SRFBP1: variants seen among roughly 807,000 people sequenced by gnomAD.
SRFBP1 encodes serum response factor-binding protein 1.
A neutral mutation model predicts 45.5 loss-of-function variants in SRFBP1; 47 were observed. The ratio of observed to expected loss-of-function variants is 1.03; its 90% CI spans 0.82 to 1.32. The LOEUF is 1.32. SRFBP1 is among the 40% of genes most tolerant of loss of function. The probability of loss-of-function intolerance (pLI) is 0.00; values close to 1 mark genes in which losing one functional copy is unlikely to be tolerated. For missense variants in SRFBP1, 621 were observed against 484.6 expected (o/e 1.28, Z -2.64); for synonymous variants, 203 against 166.3 (o/e 1.22, Z -1.70).
chr5:122,042,338 C>T (rs1451759875), intron 2 of SRFBP1, among the ~76,000 whole-genome samples: 1 of 152,152 alleles, frequency 6.6e-6, no homozygotes, highest in Non-Finnish European at 1.5e-5. Flanking sequence ...ACGATCATGG[C>T]TCACTGCAGC....
At chr5:121,972,090 C>T (rs1233301541) in intron 1 of SRFBP1, among the ~76,000 whole-genome samples, 1 of 151,824 alleles carries the variant, frequency 6.6e-6, no homozygotes, top group Admixed American at 6.6e-5. Flanking sequence ...ATGACTCAAT[C>T]ATGTTTAAAA....
intron 2 of SRFBP1, chr5:122,070,222 G>A: frequency 2.0e-6 from 2 of 1,023,056 alleles, no homozygotes; most frequent in East Asian, 2.4e-5. Context: ...GCTACAATAA[G>A]GAAATTGTTA....
At position 122,027,573 on chromosome 5, in the gene SRFBP1, A is replaced by G. The variant is rs1753510415; in HGVS notation, c.*447A>G. ...TTTTCTCTTTAGTGCTTATCATGAAATGTGCTTCACTGGTTCAGCTCTGTT... is the reference window on the plus strand; with the variant it reads ...TTTTCTCTTTAGTGCTTATCATGAAGTGTGCTTCACTGGTTCAGCTCTGTT... On this transcript the variant is annotated 3_prime_UTR_variant, in exon 8 of 8. Coordinates refer to ENST00000339397, the MANE Select transcript of SRFBP1 (RefSeq NM_152546.3). 6.6e-6 allele frequency: 1 copy of G among 152,282 alleles called. No homozygotes were observed. Among genetic ancestry groups the G allele is most frequent in the Non-Finnish European group, 1.5e-5 (1 of 68,108 alleles). The allele number at this position is 152,282 out of a possible 1,614,324, so 9.4% of individuals were successfully genotyped here.
chr5:122,077,781 G>GCTGAGGCTGGTACTGTGA, downstream of SRFBP1: 1 of 1,548,936 alleles, frequency 6.5e-7, no homozygotes, highest in Non-Finnish European at 8.7e-7. The surrounding 1 kb of genome is among the most constrained non-coding windows in gnomAD (Gnocchi z 4.9). Context: ...GGGTCCCGGC[G>GCTGAGGCTGGTACTGTGA]GCGCTGAGGC....
intron 7 of SRFBP1, 83 bp from the exon 8 acceptor site, chr5:122,026,859 A>T (rs1367253706): frequency 2.0e-6 from 2 of 981,470 alleles, no homozygotes; most frequent in African/African-American, 1.7e-5. Flanking sequence ...TTTTTTTAAC[A>T]TTGGTTTGAA....
At chr5:122,075,502 C>T (rs1462860806) in exon 3 of SRFBP1, 3 of 1,612,480 alleles carry the variant, frequency 1.9e-6, no homozygotes, top group Admixed American at 1.7e-5. Flanking sequence ...TGAGCAGCAC[C>T]CTGTGATCAT....
intron 7 of SRFBP1, among the ~76,000 whole-genome samples, chr5:122,026,090 A>G (rs1006194852): frequency 2.0e-5 from 3 of 151,962 alleles, no homozygotes; most frequent in African/African-American, 7.3e-5. Context: ...ACTCCGTCTT[A>G]AAAAAAAGAA....
chr5:122,051,348 G>A (rs944097599), intron 2 of SRFBP1, among the ~76,000 whole-genome samples: 1 of 152,000 alleles, frequency 6.6e-6, no homozygotes, highest in Non-Finnish European at 1.5e-5. Context: ...AATACTGTCA[G>A]TGGAGTGTTG....
chr5:122,074,207 C>T, intron 2 of SRFBP1: 2 of 1,572,716 alleles, frequency 1.3e-6, no homozygotes, highest in East Asian at 2.3e-5. Flanking sequence ...TGGTCAGTTA[C>T]ATACAGAGAA....
At chr5:121,992,593 C>G (rs1462195310) in intron 3 of SRFBP1, among the ~76,000 whole-genome samples, 1 of 152,082 alleles carries the variant, frequency 6.6e-6, no homozygotes, top group Non-Finnish European at 1.5e-5. Flanking sequence ...TCATGGACGT[C>G]TTCCAGGAGC....
chr5:121,975,416 G>A, intron 3 of SRFBP1, 29 bp downstream of exon 3: 1 of 1,610,902 alleles, frequency 6.2e-7, no homozygotes, highest in Non-Finnish European at 8.5e-7. Flanking sequence ...GTGTATGTGT[G>A]TATGTTTCTG....
At chr5:122,047,744 C>T (rs978259682) in intron 2 of SRFBP1, among the ~76,000 whole-genome samples, 1 of 152,218 alleles carries the variant, frequency 6.6e-6, no homozygotes, top group Middle Eastern at 3.4e-3. Flanking sequence ...TTGTAGTTCT[C>T]CTTGAAGAGA....
chr5:122,047,475 T>C (rs1561407868), intron 2 of SRFBP1, among the ~76,000 whole-genome samples: 1 of 152,238 alleles, frequency 6.6e-6, no homozygotes, highest in African/African-American at 2.4e-5. Context: ...TGAAGTCAGG[T>C]AGCTTGATGC....
At chr5:122,006,809 A>T (rs1204449017) in intron 4 of SRFBP1, among the ~76,000 whole-genome samples, 1 of 151,340 alleles carries the variant, frequency 6.6e-6, no homozygotes, top group Non-Finnish European at 1.5e-5. Flanking sequence ...TTATATTATT[A>T]ATTTGTTTCT....
At chr5:121,965,787 G>C (rs941350717) in intron 1 of SRFBP1, among the ~76,000 whole-genome samples, 1 of 152,108 alleles carries the variant, frequency 6.6e-6, no homozygotes, top group Non-Finnish European at 1.5e-5. Context: ...GGGCAGTATG[G>C]CTGTTTTCAC....
intron 4 of SRFBP1, among the ~76,000 whole-genome samples, chr5:121,999,519 T>C (rs1752809690): frequency 6.6e-6 from 1 of 152,120 alleles, no homozygotes; most frequent in Admixed American, 6.5e-5. Flanking sequence ...TTTTTCTGCC[T>C]ACTTTATTAA....
intron 6 of SRFBP1, among the ~76,000 whole-genome samples, chr5:122,021,267 T>C (rs1753316255): frequency 6.6e-6 from 1 of 152,230 alleles, no homozygotes; most frequent in Non-Finnish European, 1.5e-5. Flanking sequence ...TTCTCCATAC[T>C]GCTTTTTATT....
intron 3 of SRFBP1, among the ~76,000 whole-genome samples, chr5:121,984,572 G>A (rs879026152): frequency 2.6e-5 from 4 of 151,662 alleles, no homozygotes; most frequent in Admixed American, 2.0e-4. Context: ...GGTTATAGCA[G>A]TATATAATTT....
chr5:122,075,619 T>C (rs1268034163), downstream of SRFBP1: 1 of 923,198 alleles, frequency 1.1e-6, no homozygotes, highest in Non-Finnish European at 1.6e-6. Flanking sequence ...AAACATCCAT[T>C]ATATAGTAGT....
Sources: allele counts gnomAD v4.1 joint callset (sites outside exome capture counted in the v4.1 genomes callset), GRCh38; gene constraint gnomAD v4.1.1; non-coding constraint Gnocchi (gnomAD v3.1); transcripts MANE v1.5; gene names NCBI Gene and HGNC (gene_info 2026-07-23, HGNC 2026-07-21).